The following NMNAT2 variants were observed in gnomAD, a reference collection of about 807,000 sequenced individuals.
NMNAT2 encodes the protein nicotinamide/nicotinic acid mononucleotide adenylyltransferase 2.
Under a neutral mutation model 41.6 loss-of-function variants are expected in NMNAT2, and 11 were observed. That is an observed-to-expected ratio of 0.26 (90% CI 0.17 to 0.44). The LOEUF (loss-of-function observed/expected upper bound fraction) is 0.44, where lower values mean the gene tolerates loss of function less well. Ranked by LOEUF, NMNAT2 falls within the 20% of genes least tolerant of loss-of-function variation. The probability of loss-of-function intolerance (pLI) is 1.00; values close to 1 mark genes in which losing one functional copy is unlikely to be tolerated. For synonymous variants in NMNAT2, 148 were observed against 151.2 expected (o/e 0.98, Z 0.16); for missense variants, 288 against 407.7 (o/e 0.71, Z 2.53).
chr1:183,348,544 T>TG (rs1662981102), intron 1 of NMNAT2, among the ~76,000 whole-genome samples: 1 of 152,114 alleles, frequency 6.6e-6, no homozygotes, highest in South Asian at 2.1e-4. Context: ...ATTGGGGGTG[T>TG]GGGGGAATGA....
chr1:183,289,606 C>T (rs1241566573), intron 4 of NMNAT2, among the ~76,000 whole-genome samples: 1 of 152,196 alleles, frequency 6.6e-6, no homozygotes, highest in Non-Finnish European at 1.5e-5. Flanking sequence ...GCCTGTGGGG[C>T]TCTTGTGAGG....
At chr1:183,346,300 C>A (rs1280320918) in intron 1 of NMNAT2, among the ~76,000 whole-genome samples, 3 of 152,156 alleles carry the variant, frequency 2.0e-5, no homozygotes, top group Non-Finnish European at 4.4e-5. Context: ...CCTTTACTTG[C>A]CTTTCCTCCA....
At chr1:183,260,936 G>T in intron 10 of NMNAT2, 66 bp downstream of exon 10, 1 of 1,297,752 alleles carries the variant, frequency 7.7e-7, no homozygotes, top group South Asian at 1.2e-5. Context: ...CTTTGATGGA[G>T]GAAATTTATG....
intron 1 of NMNAT2, among the ~76,000 whole-genome samples, chr1:183,416,814 C>T (rs1357612782): frequency 1.3e-5 from 2 of 152,194 alleles, no homozygotes; most frequent in African/African-American, 4.8e-5. Flanking sequence ...AGCCACCTCG[C>T]CCTGTCTTTA....
intron 1 of NMNAT2, among the ~76,000 whole-genome samples, chr1:183,302,508 C>T (rs1661883007): frequency 6.6e-6 from 1 of 152,136 alleles, no homozygotes; most frequent in Non-Finnish European, 1.5e-5. Flanking sequence ...CTTGCTGACC[C>T]TTGAAGGGAG....
intron 8 of NMNAT2, among the ~76,000 whole-genome samples, chr1:183,269,472 G>A (rs1220310571): frequency 6.6e-6 from 1 of 152,240 alleles, no homozygotes; most frequent in Non-Finnish European, 1.5e-5. Context: ...CCTGAGATCA[G>A]CGTTCTGAAG....
In NMNAT2 at chr1:183,286,684, G is replaced by A. The variant is rs200578147; in HGVS notation, c.426C>T (p.Asn142=). 21 of 1,610,744 alleles carry A rather than the reference G, an allele frequency of 1.3e-5. No individual in the cohort carries two copies. Among genetic ancestry groups the A allele is most frequent in the Admixed American group, 3.4e-5 (2 of 59,416 alleles). ...ETPQPIYQNS[N]VATKPTAAKI... ...TACCTGCAGTGGGCTTGGTGGCCAC[G>A]TTGCTGTTCTGGTAAATGGGCTGGG... Residue 142 remains asparagine, a synonymous_variant, in exon 5 of 11, where the codon AAC becomes AAT. Transcript: ENST00000287713.
At chr1:183,275,760 C>T (rs1235110109) in intron 8 of NMNAT2, among the ~76,000 whole-genome samples, 2 of 152,092 alleles carry the variant, frequency 1.3e-5, no homozygotes, top group African/African-American at 4.8e-5. Flanking sequence ...GCAATCTCTG[C>T]CTCCCAGGTT....
chr1:183,287,800 G>T (rs755610240), intron 4 of NMNAT2, among the ~76,000 whole-genome samples: 1 of 152,336 alleles, frequency 6.6e-6, no homozygotes, highest in African/African-American at 2.4e-5. Context: ...GCTGCCAGGG[G>T]ACCCCCAGGC....
chr1:183,348,542 T>C (rs1662980875), intron 1 of NMNAT2, among the ~76,000 whole-genome samples: 1 of 151,912 alleles, frequency 6.6e-6, no homozygotes. Flanking sequence ...AGATTGGGGG[T>C]GTGGGGGAAT....
chr1:183,270,190 CT>C (rs1384581227), intron 8 of NMNAT2, among the ~76,000 whole-genome samples: 1 of 152,154 alleles, frequency 6.6e-6, no homozygotes, highest in African/African-American at 2.4e-5. Flanking sequence ...GGCCTTGAAA[CT>C]TTTTTGGTTA....
intron 1 of NMNAT2, among the ~76,000 whole-genome samples, chr1:183,337,061 C>A (rs1414062273): frequency 6.6e-6 from 1 of 152,108 alleles, no homozygotes; most frequent in African/African-American, 2.4e-5. Flanking sequence ...TGGAAGGGAG[C>A]AGGGGAAATC....
chr1:183,398,943 C>T (rs922101813), intron 1 of NMNAT2, among the ~76,000 whole-genome samples: 1 of 152,052 alleles, frequency 6.6e-6, no homozygotes, highest in African/African-American at 2.4e-5. Context: ...GCACTAAATG[C>T]CCACAACAGA....
At chr1:183,306,399 T>A (rs1048805900) in intron 1 of NMNAT2, among the ~76,000 whole-genome samples, 3 of 152,184 alleles carry the variant, frequency 2.0e-5, no homozygotes, top group Admixed American at 2.0e-4. Flanking sequence ...TATAAGATCA[T>A]AAATTTGTAT....
At chr1:183,374,301 C>CT (rs1055649775) in intron 1 of NMNAT2, among the ~76,000 whole-genome samples, 1 of 152,118 alleles carries the variant, frequency 6.6e-6, no homozygotes, top group African/African-American at 2.4e-5. Context: ...CTTGCACCCC[C>CT]CTGGCTCTGG....
rs375885181 is a variant in NMNAT2, at chr1:183,408,903, G to A, written c.85+9280C>T. ...AAAGTCTTCTTTTAAAGATCTTGTA[G>A]TTGATGTGATGAGCTATGCACTGCT... is the stretch of plus-strand genomic sequence containing the variant. On this transcript the variant is annotated intron_variant, in intron 1 of 10. Coordinates refer to ENST00000287713, the MANE Select transcript of NMNAT2 (RefSeq NM_015039.4). Among the ~76,000 whole-genome samples the A allele has an allele frequency of 1.3e-4, 20 of 152,202 alleles. 1 individual carries two copies. The South Asian group carries it at 3.7e-3, about 28-fold the overall frequency.
chr1:183,281,841 T>TA (rs1416804366), intron 7 of NMNAT2, among the ~76,000 whole-genome samples: 5 of 152,096 alleles, frequency 3.3e-5, no homozygotes, highest in Admixed American at 2.0e-4. Flanking sequence ...AAGGAAATAT[T>TA]AAAAAAGGGG....
intron 10 of NMNAT2, among the ~76,000 whole-genome samples, chr1:183,259,093 T>A (rs1217660906): frequency 1.3e-5 from 2 of 152,184 alleles, no homozygotes; most frequent in African/African-American, 4.8e-5. Flanking sequence ...GCAAGCTAGG[T>A]CCCTAAGTGC....
intron 10 of NMNAT2, among the ~76,000 whole-genome samples, chr1:183,258,493 TTAGTTTA>T (rs1354764030): frequency 6.6e-6 from 1 of 152,002 alleles, no homozygotes; most frequent in South Asian, 2.1e-4. Flanking sequence ...CAGGAGAAAC[TTAGTTTA>T]TAGTTTATAG....
Sources: gnomAD v4.1 joint callset for allele counts (sites outside exome capture counted in the v4.1 genomes callset) on GRCh38, gnomAD v4.1.1 for gene constraint, MANE v1.5 for transcripts, NCBI Gene and HGNC (gene_info 2026-07-23, HGNC 2026-07-21) for gene names.